Variants in NSMCE2 observed in about 807,000 individuals in gnomAD.
NSMCE2 encodes NSE2 SUMO ligase component of SMC5/6 complex, also known as E3 SUMO-protein ligase NSE2.
A neutral mutation model predicts 23.8 loss-of-function variants in NSMCE2; 24 were observed. The observed-to-expected ratio is 1.01, with a 90% CI of 0.73 to 1.42. The LOEUF (loss-of-function observed/expected upper bound fraction) is 1.42. Among genes scored for constraint, NSMCE2 ranks in the 40% most tolerant of loss-of-function variants. The pLI is 0.00. For synonymous variants in NSMCE2, 92 were observed against 94.1 expected (o/e 0.98, Z 0.13); for missense variants, 284 against 296.5 (o/e 0.96, Z 0.31).
intron 6 of NSMCE2, 141 bp downstream of exon 6, chr8:125,357,460 C>G: frequency 1.5e-6 from 1 of 681,436 alleles, no homozygotes; most frequent in Non-Finnish European, 2.6e-6. Context: ...GAAGAGTATC[C>G]ACGGGAGGTT....
chr8:125,108,064 A>G (rs1475191518), intron 3 of NSMCE2, among the ~76,000 whole-genome samples: 4 of 152,108 alleles, frequency 2.6e-5, no homozygotes, highest in Non-Finnish European at 5.9e-5. Flanking sequence ...TATGATGAAA[A>G]TAGTTTCGAC....
At chr8:125,241,345 G>A (rs1175587069) in intron 5 of NSMCE2, among the ~76,000 whole-genome samples, 3 of 152,190 alleles carry the variant, frequency 2.0e-5, no homozygotes, top group Non-Finnish European at 4.4e-5. Flanking sequence ...ATGCAGTTGA[G>A]GGGAGATAGG....
At chr8:125,154,384 TC>T (rs1306564069) in intron 4 of NSMCE2, among the ~76,000 whole-genome samples, 1 of 152,050 alleles carries the variant, frequency 6.6e-6, no homozygotes, top group Non-Finnish European at 1.5e-5. Flanking sequence ...CCCTGGGAAG[TC>T]CCTTTGGCAA....
chr8:125,122,078 G>A (rs1414662762), intron 3 of NSMCE2, among the ~76,000 whole-genome samples: 2 of 147,964 alleles, frequency 1.4e-5, no homozygotes, highest in African/African-American at 2.5e-5. Context: ...CTCTGACACC[G>A]TTATGCCTGA....
At position 125,182,092 on chromosome 8, in the gene NSMCE2, G is replaced by A. The variant is rs767289095; in HGVS notation, c.265-11G>A. ...AACATTTAACTCAGGTAATTTTGTT[G>A]TCTCCCTTAGGTGAAAGAAGAACGT... On this transcript the variant is annotated splice_polypyrimidine_tract_variant and intron_variant, in intron 4 of 7. Coordinates refer to ENST00000287437, the MANE Select transcript of NSMCE2 (RefSeq NM_173685.4). 48 of 1,556,322 alleles carry A rather than the reference G, an allele frequency of 3.1e-5. No homozygotes were observed. In the South Asian group the frequency reaches 4.9e-4, roughly 16 times the overall value.
intron 5 of NSMCE2, among the ~76,000 whole-genome samples, chr8:125,333,209 G>A (rs1022363602): frequency 5.3e-5 from 8 of 151,250 alleles, no homozygotes; most frequent in Non-Finnish European, 1.2e-4. Flanking sequence ...TCGCTCTGTC[G>A]CCAAGGCTGA....
chr8:125,226,654 G>A (rs1272599707), intron 5 of NSMCE2, among the ~76,000 whole-genome samples: 1 of 152,144 alleles, frequency 6.6e-6, no homozygotes, highest in Non-Finnish European at 1.5e-5. Context: ...AGAGGGAGTG[G>A]GAGTGATTCT....
At chr8:125,299,077 T>A (rs1828449368) in intron 5 of NSMCE2, among the ~76,000 whole-genome samples, 1 of 152,240 alleles carries the variant, frequency 6.6e-6, no homozygotes, top group Non-Finnish European at 1.5e-5. Flanking sequence ...CTGTATTTGA[T>A]AACTCCTTTA....
chr8:125,299,277 G>T (rs188977573), intron 5 of NSMCE2, among the ~76,000 whole-genome samples: 1 of 152,092 alleles, frequency 6.6e-6, no homozygotes. Flanking sequence ...AGTGTGCTCC[G>T]TTTTTAAAAA....
At chr8:125,266,999 CTTTCTTTTTTT>C (rs1563752905) in intron 5 of NSMCE2, among the ~76,000 whole-genome samples, 4 of 104,030 alleles carry the variant, frequency 3.8e-5, no homozygotes, top group South Asian at 6.5e-4. Flanking sequence ...TTTCTTTTTT[CTTTCTTTTTTT>C]TTTTTTTTTT....
intron 5 of NSMCE2, among the ~76,000 whole-genome samples, chr8:125,199,543 G>A (rs1384608583): frequency 2.0e-5 from 3 of 152,172 alleles, no homozygotes; most frequent in African/African-American, 7.2e-5. Context: ...TGGTCTGAGA[G>A]TTTGTTGTGA....
At chr8:125,276,486 C>T (rs1235210346) in intron 5 of NSMCE2, among the ~76,000 whole-genome samples, 1 of 151,396 alleles carries the variant, frequency 6.6e-6, no homozygotes, top group Non-Finnish European at 1.5e-5. Flanking sequence ...TTCTACTTGG[C>T]CTACCTTCCT....
chr8:125,290,858 A>G (rs938718786), intron 5 of NSMCE2, among the ~76,000 whole-genome samples: 2 of 152,246 alleles, frequency 1.3e-5, no homozygotes, highest in Admixed American at 1.3e-4. Flanking sequence ...CTATCTCAGT[A>G]TAAATTATTT....
At chr8:125,271,298 A>G (rs1166524435) in intron 5 of NSMCE2, among the ~76,000 whole-genome samples, 1 of 152,048 alleles carries the variant, frequency 6.6e-6, no homozygotes, top group African/African-American at 2.4e-5. Flanking sequence ...TGATGAGGTA[A>G]GTAGTGAGGG....
intron 3 of NSMCE2, chr8:125,130,155 G>A (rs537555207): frequency 1.1e-5 from 5 of 439,670 alleles, no homozygotes; most frequent in East Asian, 7.1e-5. Flanking sequence ...GTGTTTTGTA[G>A]AATGTCTCTC....
At chr8:125,313,745 G>C (rs954976326) in intron 5 of NSMCE2, among the ~76,000 whole-genome samples, 4 of 152,142 alleles carry the variant, frequency 2.6e-5, no homozygotes, top group African/African-American at 9.7e-5. Flanking sequence ...GTGTGACACT[G>C]TTCAGTCTGG....
At chr8:125,124,260 G>C (rs757548478) in intron 3 of NSMCE2, 3 of 152,068 alleles carry the variant, frequency 2.0e-5, no homozygotes, top group Non-Finnish European at 2.9e-5. Context: ...ATATTTCACT[G>C]TACTTCTGTT....
intron 5 of NSMCE2, among the ~76,000 whole-genome samples, chr8:125,205,115 T>C: frequency 6.6e-6 from 1 of 152,226 alleles, no homozygotes; most frequent in East Asian, 1.9e-4. Context: ...TGCTGATCTC[T>C]TCATGGACTA....
chr8:125,337,584 G>A (rs899874910), intron 5 of NSMCE2, among the ~76,000 whole-genome samples: 2 of 152,162 alleles, frequency 1.3e-5, no homozygotes, highest in African/African-American at 4.8e-5. Context: ...TGCAAATACT[G>A]TATGTTGACT....
Sources: gnomAD v4.1 joint callset for allele counts (sites outside exome capture counted in the v4.1 genomes callset) on GRCh38, gnomAD v4.1.1 for gene constraint, MANE v1.5 for transcripts, NCBI Gene and HGNC (gene_info 2026-07-23, HGNC 2026-07-21) for gene names.